FAM83F: variants seen among roughly 807,000 people sequenced by gnomAD.
FAM83F encodes protein FAM83F.
FAM83F carries 45 observed loss-of-function variants against 42.9 expected under a neutral mutation model. The observed-to-expected ratio is 1.05, with a 90% CI of 0.83 to 1.35. The LOEUF (loss-of-function observed/expected upper bound fraction) is 1.35. FAM83F is among the 40% of genes most tolerant of loss of function. The pLI is 0.00. For missense variants in FAM83F, 617 were observed against 695.9 expected (o/e 0.89, Z 1.28); for synonymous variants, 306 against 298.3 (o/e 1.03, Z -0.27).
chr22:40,023,179 A>G lies in FAM83F; in HGVS notation c.1453+1216A>G, dbSNP rs1453515200. Among the ~76,000 whole-genome samples, 1 of 152,140 alleles carries G rather than the reference A, an allele frequency of 6.6e-6. No individual in the cohort carries two copies. The highest frequency in any genetic ancestry group is 1.5e-5 in the Non-Finnish European group (1 of 68,020). On this transcript the variant is annotated intron_variant, in intron 4 of 4. Transcript: ENST00000333407. This position sits in a 1 kb window ranked among gnomAD's most constrained non-coding sequence, Gnocchi z 4.1. ...CTGCCCCCACAACCACCCTTCAAGC[A>G]CAGAGGTGGCAGATGGCTCGGAGAG... is the stretch of plus-strand genomic sequence containing the variant.
intron 4 of FAM83F, among the ~76,000 whole-genome samples, chr22:40,024,226 C>T (rs1181899051): frequency 1.3e-5 from 2 of 152,152 alleles, no homozygotes; most frequent in African/African-American, 4.8e-5. Context: ...GTCTCCTGGC[C>T]TCAAGTGATC....
Position 39,995,017 on chromosome 22 carries a change from A to AGGGCCG in FAM83F, c.-9_-4dup, listed in dbSNP as rs758036575. 684 of 1,249,164 alleles carry AGGGCCG rather than the reference A, an allele frequency of 5.5e-4. 1 individual carries two copies. The highest frequency in any genetic ancestry group is 5.5e-3 in the African/African-American group (347 of 63,574). 77.4% of individuals were successfully genotyped at this position (1,249,164 alleles called of 1,614,324 possible). ...CTCGGACCGCGGCGGGGCCGGGGCC[A>AGGGCCG]GGGCCGGGGCCGGGGCCGGGGCGCC... On this transcript the variant is annotated 5_prime_UTR_variant, in exon 1 of 5. Transcript: ENST00000333407. This position sits in a 1 kb window ranked among gnomAD's most constrained non-coding sequence, Gnocchi z 4.6.
rs1426554178 is a variant in FAM83F at position 40,035,920 on chromosome 22, A to C, written c.*6355A>C. 6.6e-6 allele frequency: 1 copy of C among 152,138 alleles called. No homozygotes were observed. The highest frequency in any genetic ancestry group is 1.5e-5 in the Non-Finnish European group (1 of 68,032). The allele number at this position is 152,138 out of a possible 1,614,324, so 9.4% of individuals were successfully genotyped here. ...ATCCTCCCCTTTAATTCCCTGTGAA[A>C]TTTACCACTTTCATATTGAATCGTT... On this transcript the variant is annotated 3_prime_UTR_variant, in exon 5 of 5. Transcript: ENST00000333407.
Position 40,023,777 on chromosome 22 carries a change from T to C in FAM83F, c.1453+1814T>C, listed in dbSNP as rs1464107203. ...CTCTCCAGGGCACCTGATGCTGGGA[T>C]AGAGAGAGAGAGGGAATAGTGAGGG... On this transcript the variant is annotated intron_variant, in intron 4 of 4. Coordinates refer to ENST00000333407, the MANE Select transcript of FAM83F (RefSeq NM_138435.4). The surrounding 1 kb of genome is among the most constrained non-coding windows in gnomAD (Gnocchi z 4.1). Among the ~76,000 whole-genome samples, 1 of 151,674 alleles carries C rather than the reference T, an allele frequency of 6.6e-6. No individual in the cohort carries two copies. Among genetic ancestry groups the C allele is most frequent in the Non-Finnish European group, 1.5e-5 (1 of 67,872 alleles).
At chr22:40,017,858 C>T (rs1167645678) in intron 1 of FAM83F, among the ~76,000 whole-genome samples, 2 of 152,200 alleles carry the variant, frequency 1.3e-5, no homozygotes, top group African/African-American at 2.4e-5. Flanking sequence ...AACAGAGTCT[C>T]ATTAAGGTTA....
intron 1 of FAM83F, among the ~76,000 whole-genome samples, chr22:40,009,107 T>C (rs563681398): frequency 1.8e-4 from 27 of 152,270 alleles, no homozygotes; most frequent in African/African-American, 6.0e-4. Context: ...TTCGTGGGCA[T>C]GATCTCATCC....
intron 2 of FAM83F, 116 bp downstream of exon 2, chr22:40,019,451 G>A: frequency 2.2e-6 from 2 of 896,582 alleles, no homozygotes; most frequent in Non-Finnish European, 3.5e-6. Context: ...CGAACTTCAA[G>A]ATCTCAACAC....
In FAM83F at chr22:39,995,594, C is replaced by CA; in HGVS notation, c.489+63_489+64insA. The CA allele has an allele frequency of 6.8e-7, 1 of 1,463,394 alleles. No individual in the cohort carries two copies. Among genetic ancestry groups the CA allele is most frequent in the Non-Finnish European group, 9.1e-7 (1 of 1,104,228 alleles). The allele number at this position is 1,463,394 out of a possible 1,614,324, so 90.7% of individuals were successfully genotyped here. ...CGGCCCCAGTCCCCTGGACCGGGCC[C>CA]CACCTCCCAGGCAGGGCCCGGGGCA... On this transcript the variant is annotated intron_variant, in intron 1 of 4. Coordinates refer to ENST00000333407, the MANE Select transcript of FAM83F (RefSeq NM_138435.4). The surrounding 1 kb of genome is among the most constrained non-coding windows in gnomAD (Gnocchi z 4.6).
rs1413875352 is a variant in FAM83F at position 40,036,240 on chromosome 22, AG to A, written c.*6676del. ...AGATAGGATCTCACTGTGTTACCCA[AG>A]CTAGACTTGAACTCCTGGCCTCAAG... On this transcript the variant is annotated 3_prime_UTR_variant, in exon 5 of 5. Coordinates refer to ENST00000333407, the MANE Select transcript of FAM83F (RefSeq NM_138435.4). 1 of 152,224 alleles carries A rather than the reference AG, an allele frequency of 6.6e-6. No homozygotes were observed. Among genetic ancestry groups the A allele is most frequent in the Admixed American group, 6.5e-5 (1 of 15,282 alleles). 9.4% of individuals were successfully genotyped at this position (152,224 alleles called of 1,614,324 possible).
In FAM83F at chr22:40,021,140, G is replaced by C; in HGVS notation, c.780-150G>C. On this transcript the variant is annotated intron_variant, in intron 3 of 4. Coordinates refer to ENST00000333407, the MANE Select transcript of FAM83F (RefSeq NM_138435.4). The surrounding 1 kb of genome is among the most constrained non-coding windows in gnomAD (Gnocchi z 8.7). ...CTGGGGAAAGGGAGGCTACGGGTGG[G>C]TGGAGGGAATCAGTCCAGCGTGTGG... is the stretch of plus-strand genomic sequence containing the variant. 1.2e-6 allele frequency: 1 copy of C among 848,630 alleles called. No homozygotes were observed. Among genetic ancestry groups the C allele is most frequent in the Admixed American group, 2.9e-5 (1 of 34,986 alleles). 52.6% of individuals were successfully genotyped at this position (848,630 alleles called of 1,614,324 possible). A position where few individuals can be genotyped will look rare whatever the true frequency, so the allele number is the denominator to read the frequency against.
chr22:39,995,160 G>C lies in FAM83F; in HGVS notation c.118G>C (p.Gly40Arg), dbSNP rs1331111942. Residue 40 changes from glycine to arginine, a missense_variant, in exon 1 of 5, where the codon GGC becomes CGC. Coordinates refer to ENST00000333407, the MANE Select transcript of FAM83F (RefSeq NM_138435.4). The surrounding 1 kb of genome is among the most constrained non-coding windows in gnomAD (Gnocchi z 4.6). ...GCGGGCCGCGCTGGAGGCGCTGCTG[G>C]GCGGCGGCGAGCAGGCCTACCGCGA... ...RRRAALEALLGGGEQAYRERL... is the reference protein window; with the variant it reads ...RRRAALEALLRGGEQAYRERL... 20 of 1,397,774 alleles carry C rather than the reference G, an allele frequency of 1.4e-5. No homozygotes were observed. In the South Asian group the frequency reaches 2.4e-4, roughly 17 times the overall value. The allele number at this position is 1,397,774 out of a possible 1,614,324, so 86.6% of individuals were successfully genotyped here.
Position 39,999,664 on chromosome 22 carries a change from T to C in FAM83F, c.489+4133T>C, listed in dbSNP as rs1481471408. 2.6e-5 allele frequency among the ~76,000 whole-genome samples: 4 copies of C among 152,320 alleles called. 1 individual carries two copies. The South Asian group carries it at 6.2e-4, about 24-fold the overall frequency. On this transcript the variant is annotated intron_variant, in intron 1 of 4. Coordinates refer to ENST00000333407, the MANE Select transcript of FAM83F (RefSeq NM_138435.4). ...ACATCCCCAGGTCCTTGGTTGGGAT[T>C]ACCAGTGACGCCAGTGACCCCATGT...
rs1343761178 is a variant in FAM83F, at chr22:40,030,285, G to T, written c.*720G>T. 6.6e-6 allele frequency: 1 copy of T among 152,282 alleles called. No homozygotes were observed. The highest frequency in any genetic ancestry group is 1.5e-5 in the Non-Finnish European group (1 of 68,218). 9.4% of individuals were successfully genotyped at this position (152,282 alleles called of 1,614,324 possible). A position where few individuals can be genotyped will look rare whatever the true frequency, so the allele number is the denominator to read the frequency against. On this transcript the variant is annotated 3_prime_UTR_variant, in exon 5 of 5. Coordinates refer to ENST00000333407, the MANE Select transcript of FAM83F (RefSeq NM_138435.4). ...GTGCCGTCCTGGCAGTCTCGGCATG[G>T]GTGGTTGAGACCTCCTTGGCTGCTG... is the stretch of plus-strand genomic sequence containing the variant.
chr22:40,012,869 C>G (rs2067473677), intron 1 of FAM83F, among the ~76,000 whole-genome samples: 1 of 145,916 alleles, frequency 6.9e-6, no homozygotes, highest in Admixed American at 6.9e-5. Flanking sequence ...GTCAGGAGAT[C>G]AAGACCATCC....
chr22:40,012,580 GC>G (rs2067471351), intron 1 of FAM83F, among the ~76,000 whole-genome samples: 1 of 149,228 alleles, frequency 6.7e-6, no homozygotes, highest in Admixed American at 6.7e-5. Context: ...GACCAGCCTG[GC>G]CAACATGGTG....
chr22:40,002,815 C>G (rs1374720968), intron 1 of FAM83F, among the ~76,000 whole-genome samples: 1 of 152,218 alleles, frequency 6.6e-6, no homozygotes. Context: ...AGGGATTTCT[C>G]TGAAGAAGGG....
rs2067520099 is a variant in FAM83F, at chr22:40,021,410, G to A, written c.900G>A (p.Leu300=). The A allele has an allele frequency of 6.2e-7, 1 of 1,613,612 alleles. No individual in the cohort carries two copies. Among genetic ancestry groups the A allele is most frequent in the African/African-American group, 1.3e-5 (1 of 74,932 alleles). The change falls in exon 4 of 5, where the codon TTG becomes TTA. Residue 300 remains leucine, a synonymous_variant. Coordinates refer to ENST00000333407, the MANE Select transcript of FAM83F (RefSeq NM_138435.4). The surrounding 1 kb of genome is among the most constrained non-coding windows in gnomAD (Gnocchi z 8.7). The stretch of plus-strand genomic sequence containing the variant: ...ACGCCATCTCCGAGGAGGTGGACTT[G>A]TACCGGCAGCTGAGCCTGGCGGGCA... ...ELYAISEEVD[L]YRQLSLAGRV...
At position 40,021,235 on chromosome 22, in the gene FAM83F, G is replaced by A; in HGVS notation, c.780-55G>A. The A allele has an allele frequency of 6.7e-7, 1 of 1,495,800 alleles. No individual in the cohort carries two copies. Among genetic ancestry groups the A allele is most frequent in the Non-Finnish European group, 8.9e-7 (1 of 1,122,514 alleles). The allele number at this position is 1,495,800 out of a possible 1,614,324, so 92.7% of individuals were successfully genotyped here. ...GAGGGGCAGGTGGGGGCGGGGGCAGGGCAAGAGAGAGGCCTGGGCACATGT... is the reference window on the plus strand; with the variant it reads ...GAGGGGCAGGTGGGGGCGGGGGCAGAGCAAGAGAGAGGCCTGGGCACATGT... On this transcript the variant is annotated intron_variant, in intron 3 of 4. Transcript: ENST00000333407. The surrounding 1 kb of genome is among the most constrained non-coding windows in gnomAD (Gnocchi z 8.7).
At chr22:40,024,984 G>A (rs993337914) in intron 4 of FAM83F, among the ~76,000 whole-genome samples, 6 of 152,224 alleles carry the variant, frequency 3.9e-5, no homozygotes, top group African/African-American at 9.6e-5. Flanking sequence ...GAAGCTAGGC[G>A]CCTCTTCTAC....
Sources: gnomAD v4.1 joint callset for allele counts (sites outside exome capture counted in the v4.1 genomes callset) on GRCh38, gnomAD v4.1.1 for gene constraint, Gnocchi (gnomAD v3.1) non-coding constraint, MANE v1.5 for transcripts, NCBI Gene and HGNC (gene_info 2026-07-23, HGNC 2026-07-21) for gene names.